GALNTL6: variants seen among roughly 807,000 people sequenced by gnomAD.
GALNTL6 encodes the protein polypeptide N-acetylgalactosaminyltransferase like 6.
Under a neutral mutation model 73.7 loss-of-function variants are expected in GALNTL6, and 46 were observed. The ratio of observed to expected loss-of-function variants is 0.62; its 90% CI spans 0.49 to 0.80. GALNTL6 has a LOEUF of 0.80. Among genes scored for constraint, GALNTL6 ranks in the 30% least tolerant of loss-of-function variants. The probability of loss-of-function intolerance (pLI) is 0.00; values close to 1 mark genes in which losing one functional copy is unlikely to be tolerated. For missense variants in GALNTL6, 604 were observed against 755.0 expected (o/e 0.80, Z 2.34); for synonymous variants, 259 against 263.7 (o/e 0.98, Z 0.17).
chr4:172,170,932 C>A (rs1216056193), intron 2 of GALNTL6, among the ~76,000 whole-genome samples: 2 of 152,326 alleles, frequency 1.3e-5, no homozygotes, highest in Admixed American at 6.5e-5. Flanking sequence ...AATAACTTTT[C>A]TATTCCTTTA....
chr4:172,336,919 G>T (rs145111868), intron 4 of GALNTL6, among the ~76,000 whole-genome samples: 6 of 152,254 alleles, frequency 3.9e-5, no homozygotes, highest in Non-Finnish European at 7.4e-5. Flanking sequence ...TTTTATAAAT[G>T]TTTGTGCTCC....
intron 3 of GALNTL6, among the ~76,000 whole-genome samples, chr4:172,297,576 C>T (rs1310133245): frequency 6.6e-6 from 1 of 152,200 alleles, no homozygotes; most frequent in African/African-American, 2.4e-5. Flanking sequence ...CTACCTATGG[C>T]TAACCAGTTT....
At position 172,827,507 on chromosome 4, in the gene GALNTL6, T is replaced by C. The variant is rs554597523; in HGVS notation, c.923+13784T>C. 1.8e-4 allele frequency among the ~76,000 whole-genome samples: 27 copies of C among 152,300 alleles called. No homozygotes were observed. In the South Asian group the frequency reaches 3.9e-3, roughly 22 times the overall value. On this transcript the variant is annotated intron_variant, in intron 7 of 12. Coordinates refer to ENST00000506823, the MANE Select transcript of GALNTL6 (RefSeq NM_001034845.3). ...AGGGAGGAAGTGGGGACAATCCCTC[T>C]ATGTTCTGGAATCCTAAAGCTGATC...
At chr4:172,612,088 A>T (rs1738546436) in intron 5 of GALNTL6, among the ~76,000 whole-genome samples, 1 of 152,076 alleles carries the variant, frequency 6.6e-6, no homozygotes, top group African/African-American at 2.4e-5. Context: ...ATCATAAAGG[A>T]TAAGGATCCA....
At chr4:171,879,267 T>C (rs570893682) in intron 2 of GALNTL6, among the ~76,000 whole-genome samples, 5 of 152,142 alleles carry the variant, frequency 3.3e-5, no homozygotes, top group African/African-American at 1.2e-4. Context: ...AATTTTCCCA[T>C]AGAAAAACTG....
chr4:172,952,223 C>T lies in GALNTL6; in HGVS notation c.1336C>T (p.Pro446Ser), dbSNP rs768050701. The T allele has an allele frequency of 1.9e-6, 3 of 1,613,892 alleles. No individual in the cohort carries two copies. Among genetic ancestry groups the T allele is most frequent in the African/African-American group, 1.3e-5 (1 of 74,898 alleles). ...AVAWDVPKYY[P>S]PVEPPPAAWG... ...GGCCTGGGACGTGCCTAAATACTAC[C>T]CTCCAGTGGAGCCCCCGCCTGCTGC... The change falls in exon 10 of 13, where the codon CCT (proline) becomes TCT (serine). Residue 446 changes from proline to serine, a missense_variant. By Grantham distance (74) the Pro-to-Ser change is moderately conservative. Coordinates refer to ENST00000506823, the MANE Select transcript of GALNTL6 (RefSeq NM_001034845.3).
At chr4:172,845,725 T>G (rs919620295) in intron 7 of GALNTL6, among the ~76,000 whole-genome samples, 5 of 152,216 alleles carry the variant, frequency 3.3e-5, no homozygotes, top group African/African-American at 1.2e-4. Flanking sequence ...TTATACTATT[T>G]TTAAATGATT....
intron 5 of GALNTL6, among the ~76,000 whole-genome samples, chr4:172,412,432 C>T (rs556877194): frequency 6.6e-6 from 1 of 152,226 alleles, no homozygotes; most frequent in African/African-American, 2.4e-5. Context: ...TCTTTTATCT[C>T]AAAGCACCAT....
chr4:172,875,062 A>G (rs2111173177), intron 7 of GALNTL6, among the ~76,000 whole-genome samples: 1 of 152,282 alleles, frequency 6.6e-6, no homozygotes, highest in South Asian at 2.1e-4. Flanking sequence ...AAGCACGAGC[A>G]GACTTGTTTC....
intron 2 of GALNTL6, among the ~76,000 whole-genome samples, chr4:171,982,386 C>T (rs1470365317): frequency 3.9e-5 from 6 of 152,106 alleles, no homozygotes; most frequent in Non-Finnish European, 7.3e-5. Context: ...CAAGCTCTGC[C>T]TCCTGGGTTC....
At chr4:173,016,383 C>T (rs1057392233) in intron 11 of GALNTL6, among the ~76,000 whole-genome samples, 4 of 152,184 alleles carry the variant, frequency 2.6e-5, no homozygotes, top group Non-Finnish European at 4.4e-5. Flanking sequence ...TGCCAGCCTG[C>T]GAAAGCAGCT....
intron 2 of GALNTL6, among the ~76,000 whole-genome samples, chr4:171,991,843 G>T (rs1344031611): frequency 6.6e-6 from 1 of 150,440 alleles, no homozygotes; most frequent in Non-Finnish European, 1.5e-5. Context: ...GTGAATATTT[G>T]AGGAAATAAA....
Position 173,021,525 on chromosome 4 carries a change from A to G in GALNTL6, c.1538A>G (p.His513Arg), listed in dbSNP as rs767160713. Residue 513 changes from histidine (H) to arginine (R), a missense_variant, in exon 12 of 13, where the codon CAT (histidine) becomes CGT (arginine). Physicochemically the swap from His to Arg is conservative, Grantham distance 29. Coordinates refer to ENST00000506823, the MANE Select transcript of GALNTL6 (RefSeq NM_001034845.3). ...GATATTCGACCCGGTGAGCCACTGC[A>G]TACCCGGAAATTCTGCTTTGATGCG... is the stretch of plus-strand genomic sequence containing the variant. ...REDIRPGEPLHTRKFCFDAIS... is the reference protein window; with the variant it reads ...REDIRPGEPLRTRKFCFDAIS... 2 of 1,614,000 alleles carry G rather than the reference A, an allele frequency of 1.2e-6. No homozygotes were observed. The highest frequency in any genetic ancestry group is 1.1e-5 in the South Asian group (1 of 91,076).
At chr4:172,775,419 A>T (rs1366241432) in intron 5 of GALNTL6, among the ~76,000 whole-genome samples, 1 of 152,224 alleles carries the variant, frequency 6.6e-6, no homozygotes. Context: ...CTGAAAGTTA[A>T]TGTTACTTTT....
intron 12 of GALNTL6, among the ~76,000 whole-genome samples, chr4:173,024,291 T>C (rs1488688185): frequency 1.3e-5 from 2 of 152,260 alleles, no homozygotes; most frequent in African/African-American, 4.8e-5. Context: ...GCTGTTGGTA[T>C]TGCATTACTT....
chr4:171,945,975 T>TA (rs1333545683), intron 2 of GALNTL6, among the ~76,000 whole-genome samples: 3 of 152,180 alleles, frequency 2.0e-5, no homozygotes, highest in African/African-American at 7.2e-5. Flanking sequence ...AATGTTGACT[T>TA]ACGCTTATAA....
At chr4:172,927,479 G>C (rs1271961003) in intron 8 of GALNTL6, among the ~76,000 whole-genome samples, 1 of 151,998 alleles carries the variant, frequency 6.6e-6, no homozygotes, top group Non-Finnish European at 1.5e-5. Flanking sequence ...ACAAAGCTTA[G>C]CACCATAAAG....
intron 6 of GALNTL6, among the ~76,000 whole-genome samples, chr4:172,811,776 C>T (rs1025390300): frequency 3.9e-5 from 6 of 152,156 alleles, no homozygotes; most frequent in Non-Finnish European, 5.9e-5. Context: ...ACTCCAGTAT[C>T]CTGCATTCCC....
intron 8 of GALNTL6, among the ~76,000 whole-genome samples, chr4:172,925,806 C>T (rs980617654): frequency 6.6e-6 from 1 of 152,202 alleles, no homozygotes; most frequent in African/African-American, 2.4e-5. Flanking sequence ...GTTGAGCCCT[C>T]ATGGACTCCT....
Sources: allele counts gnomAD v4.1 joint callset (sites outside exome capture counted in the v4.1 genomes callset), GRCh38; gene constraint gnomAD v4.1.1; transcripts MANE v1.5; gene names NCBI Gene and HGNC (gene_info 2026-07-23, HGNC 2026-07-21).